Variants in PCDH11X observed in about 807,000 individuals in gnomAD.
The protein encoded by PCDH11X is protocadherin 11 X-linked.
A neutral mutation model predicts 53.3 loss-of-function variants in PCDH11X; 18 were observed. That is an observed-to-expected ratio of 0.34 (90% CI 0.23 to 0.50). The LOEUF is 0.50. Ranked by LOEUF, PCDH11X falls within the 20% of genes least tolerant of loss-of-function variation. The pLI is 0.98. For missense variants in PCDH11X, 570 were observed against 1,032.4 expected, an observed-to-expected ratio of 0.55 and a Z score of 6.14; for synonymous variants, 279 against 393.3, an observed-to-expected ratio of 0.71 and a Z score of 3.44.
chrX:92,577,427 A>G (rs1301083598), intron 10 of PCDH11X, among the ~76,000 whole-genome samples: 11 of 109,734 alleles, frequency 1.0e-4, no homozygotes, highest in African/African-American at 3.6e-4. Context: ...TCATTTGAAT[A>G]TTCTATTTTC....
chrX:92,452,463 G>GTATA (rs763381982), intron 9 of PCDH11X, among the ~76,000 whole-genome samples: 492 of 44,652 alleles, frequency 0.011, 18 homozygotes, highest in East Asian at 0.085. Context: ...GTGTGTGTGT[G>GTATA]TATATATATA....
intron 9 of PCDH11X, among the ~76,000 whole-genome samples, chrX:92,417,816 T>C (rs182237846): frequency 0.055 from 2,563 of 46,561 alleles, 106 homozygotes; most frequent in East Asian, 0.21. Flanking sequence ...TCTTCTTTTC[T>C]TCCATTTTTT....
At chrX:91,883,754 G>A (rs1249468883) in intron 6 of PCDH11X, 4 of 587,871 alleles carry the variant, frequency 6.8e-6, no homozygotes, top group East Asian at 1.7e-4. Flanking sequence ...GCAGTGAGCC[G>A]AGATGGCGCC....
intron 8 of PCDH11X, among the ~76,000 whole-genome samples, chrX:92,294,964 A>G (rs1319338174): frequency 3.1e-5 from 3 of 97,112 alleles, no homozygotes; most frequent in African/African-American, 1.1e-4. Context: ...TACCTCAGCT[A>G]TTTTAAACTC....
rs190468540 is a variant in PCDH11X, at chrX:91,859,214, G to A, written c.541-17567G>A. On this transcript the variant is annotated intron_variant, in intron 5 of 10. Coordinates refer to ENST00000682573, the MANE Select transcript of PCDH11X (RefSeq NM_032968.5). ...TGATTTTGGTTTACATTTCTCTAGT[G>A]ATCAGTGATGTTGAGCTTTTTTTCC... Among the ~76,000 whole-genome samples the A allele has an allele frequency of 2.0e-3, 228 of 111,820 alleles. 1 individual carries two copies. The highest frequency in any genetic ancestry group is 0.014 in the Middle Eastern group (3 of 217).
intron 10 of PCDH11X, among the ~76,000 whole-genome samples, chrX:92,559,440 TACACAC>T (rs199701051): frequency 1.7e-3 from 171 of 100,475 alleles, no homozygotes; most frequent in African/African-American, 2.6e-3. Flanking sequence ...CAAGTATCTT[TACACAC>T]ACACACACAC....
intron 6 of PCDH11X, among the ~76,000 whole-genome samples, chrX:92,126,962 G>T (rs2064878155): frequency 9.4e-6 from 1 of 106,136 alleles, no homozygotes; most frequent in Non-Finnish European, 1.9e-5. Context: ...TGATTCAGTT[G>T]TAATTCAAGA....
intron 6 of PCDH11X, among the ~76,000 whole-genome samples, chrX:92,128,261 C>A (rs1292571507): frequency 3.6e-5 from 4 of 111,166 alleles, no homozygotes; most frequent in Non-Finnish European, 7.5e-5. Flanking sequence ...TCTAAACTCA[C>A]TTTCCTTGGA....
intron 5 of PCDH11X, among the ~76,000 whole-genome samples, chrX:91,861,337 T>C (rs1938665155): frequency 9.0e-6 from 1 of 111,274 alleles, no homozygotes; most frequent in Admixed American, 9.6e-5. Flanking sequence ...CTTTATCATT[T>C]CAGATTGTGT....
intron 10 of PCDH11X, among the ~76,000 whole-genome samples, chrX:92,491,154 T>A (rs1359640240): frequency 2.0e-4 from 22 of 110,814 alleles, no homozygotes; most frequent in Non-Finnish European, 3.8e-5. Flanking sequence ...AAAATATGGC[T>A]TAACTGTTAT....
At chrX:92,139,262 C>T (rs1320003306) in intron 6 of PCDH11X, among the ~76,000 whole-genome samples, 26 of 92,173 alleles carry the variant, frequency 2.8e-4, no homozygotes, top group Admixed American at 2.6e-3. Context: ...TTCTTTCTTT[C>T]TTTCTTTCTT....
chrX:92,129,378 G>C (rs908457437), intron 6 of PCDH11X, among the ~76,000 whole-genome samples: 3 of 111,543 alleles, frequency 2.7e-5, no homozygotes, highest in African/African-American at 9.9e-5. Context: ...GCAACAGAGC[G>C]AGACTCCGTC....
intron 6 of PCDH11X, among the ~76,000 whole-genome samples, chrX:91,991,963 GT>G (rs34012763): frequency 1.1e-4 from 12 of 106,229 alleles, no homozygotes; most frequent in South Asian, 4.1e-4. Flanking sequence ...TGTCACTTAA[GT>G]TTTTTTTTAA....
At chrX:92,270,117 T>TTC (rs1430110060) in intron 8 of PCDH11X, among the ~76,000 whole-genome samples, 2 of 108,571 alleles carry the variant, frequency 1.8e-5, no homozygotes, top group African/African-American at 6.7e-5. Context: ...CTTTTCTTTT[T>TTC]TTTTTTTTTT....
chrX:92,175,090 C>T (rs1352417416), intron 6 of PCDH11X, among the ~76,000 whole-genome samples: 1 of 111,048 alleles, frequency 9.0e-6, no homozygotes, highest in African/African-American at 3.3e-5. Flanking sequence ...ATTCTCCTGC[C>T]TCAGCCTCCC....
chrX:92,612,482 C>T (rs1358061331), intron 10 of PCDH11X, among the ~76,000 whole-genome samples: 13 of 111,533 alleles, frequency 1.2e-4, no homozygotes, highest in Non-Finnish European at 2.3e-4. Flanking sequence ...TTTGGATCAT[C>T]TCCTGTTAAT....
chrX:92,118,209 T>C (rs1228225795), intron 6 of PCDH11X, among the ~76,000 whole-genome samples: 1 of 111,068 alleles, frequency 9.0e-6, no homozygotes, highest in Non-Finnish European at 1.9e-5. Context: ...TGAAGCCATA[T>C]GCCCTTCAGA....
chrX:92,406,534 A>G (rs2071520539), intron 9 of PCDH11X, among the ~76,000 whole-genome samples: 1 of 100,100 alleles, frequency 1.0e-5, no homozygotes, highest in African/African-American at 3.7e-5. Flanking sequence ...AATCATTAAG[A>G]AAAAAGACTG....
intron 8 of PCDH11X, among the ~76,000 whole-genome samples, chrX:92,378,059 T>A (rs1198012682): frequency 9.3e-6 from 1 of 107,198 alleles, no homozygotes. Flanking sequence ...ATCAATACAA[T>A]GTATTTTTGA....
Sources: allele counts gnomAD v4.1 joint callset (sites outside exome capture counted in the v4.1 genomes callset), GRCh38; gene constraint gnomAD v4.1.1; transcripts MANE v1.5; gene names NCBI Gene and HGNC (gene_info 2026-07-23, HGNC 2026-07-21).